The following UTRN variants were observed in gnomAD, a reference collection of about 807,000 sequenced individuals.
UTRN encodes utrophin.
A neutral mutation model predicts 463.9 loss-of-function variants in UTRN; 283 were observed. That is an observed-to-expected ratio of 0.61 (90% CI 0.55 to 0.67). The LOEUF is 0.67. UTRN is among the 30% of genes least tolerant of loss of function. The pLI is 0.00. For synonymous variants in UTRN, 1,442 were observed against 1,431.5 expected (o/e 1.01, Z -0.17); for missense variants, 3,922 against 4,084.3 (o/e 0.96, Z 1.08).
At chr6:144,314,916 A>G (rs541813531) in intron 2 of UTRN, among the ~76,000 whole-genome samples, 1 of 152,176 alleles carries the variant, frequency 6.6e-6, no homozygotes, top group South Asian at 2.1e-4. Flanking sequence ...CTCACAACAA[A>G]AATACCTATG....
chr6:144,313,343 G>A, intron 2 of UTRN, among the ~76,000 whole-genome samples: 1 of 149,940 alleles, frequency 6.7e-6, no homozygotes, highest in Non-Finnish European at 1.5e-5. Flanking sequence ...AGAAGAGCAG[G>A]TTTCTGATAC....
chr6:144,610,185 G>A (rs1805339058), intron 51 of UTRN, among the ~76,000 whole-genome samples: 4 of 133,876 alleles, frequency 3.0e-5, no homozygotes, highest in African/African-American at 2.8e-5. Flanking sequence ...CCATTAGCTA[G>A]ACTAACCAAG....
intron 50 of UTRN, among the ~76,000 whole-genome samples, chr6:144,567,011 G>A (rs185131032): frequency 1.1e-3 from 166 of 152,104 alleles, no homozygotes; most frequent in African/African-American, 3.9e-3. Flanking sequence ...GCTGGGTGTG[G>A]TGACACATGC....
intron 2 of UTRN, among the ~76,000 whole-genome samples, chr6:144,398,998 T>C (rs1782702716): frequency 1.3e-5 from 2 of 152,218 alleles, no homozygotes; most frequent in Non-Finnish European, 2.9e-5. Flanking sequence ...GTTAATTATC[T>C]AAACTTCTTG....
chr6:144,768,427 G>C (rs1471609202), intron 58 of UTRN, among the ~76,000 whole-genome samples: 6 of 152,100 alleles, frequency 3.9e-5, no homozygotes, highest in Non-Finnish European at 8.8e-5. Context: ...ATACAGTCTA[G>C]TATAAAGCAG....
intron 51 of UTRN, among the ~76,000 whole-genome samples, chr6:144,593,703 A>T (rs1019385639): frequency 6.6e-6 from 1 of 152,182 alleles, no homozygotes; most frequent in Non-Finnish European, 1.5e-5. Context: ...AAGTATGCTG[A>T]TTGTATTCAG....
At chr6:144,404,779 A>G (rs748020143) in intron 3 of UTRN, among the ~76,000 whole-genome samples, 37 of 152,308 alleles carry the variant, frequency 2.4e-4, no homozygotes, top group Middle Eastern at 3.4e-3. Flanking sequence ...TTGTAGAGGA[A>G]GAGAGATGAC....
intron 2 of UTRN, among the ~76,000 whole-genome samples, chr6:144,399,566 G>T (rs1782752842): frequency 6.6e-6 from 1 of 152,114 alleles, no homozygotes; most frequent in Admixed American, 6.6e-5. Context: ...ATAATAAGCT[G>T]CACTTTAGGG....
At chr6:144,789,134 A>G (rs1776544085) in intron 61 of UTRN, 60 bp from the exon 62 acceptor site, 3 of 1,320,376 alleles carry the variant, frequency 2.3e-6, no homozygotes, top group South Asian at 1.3e-5. Flanking sequence ...TTCAGAAACA[A>G]TGAACATGCT....
intron 2 of UTRN, among the ~76,000 whole-genome samples, chr6:144,343,520 A>AT (rs918087912): frequency 6.6e-6 from 1 of 152,054 alleles, no homozygotes; most frequent in Non-Finnish European, 1.5e-5. Context: ...AGATCATGCC[A>AT]TTGCACTCCA....
At chr6:144,604,120 C>T (rs1390363403) in intron 51 of UTRN, among the ~76,000 whole-genome samples, 1 of 152,184 alleles carries the variant, frequency 6.6e-6, no homozygotes, top group African/African-American at 2.4e-5. Flanking sequence ...GCCCTTTTCA[C>T]ATCTAGGCAG....
chr6:144,732,243 T>A (rs12662006), intron 54 of UTRN, among the ~76,000 whole-genome samples: 1 of 100,992 alleles, frequency 9.9e-6, no homozygotes, highest in Non-Finnish European at 1.8e-5. Flanking sequence ...TATATACATA[T>A]ATATATATAT....
At chr6:144,848,519 G>A (rs1312698920) in intron 74 of UTRN, among the ~76,000 whole-genome samples, 2 of 152,180 alleles carry the variant, frequency 1.3e-5, no homozygotes, top group African/African-American at 4.8e-5. Flanking sequence ...ATAAAGATGG[G>A]AGGATCAATG....
At chr6:144,424,182 G>A in intron 6 of UTRN, 104 bp downstream of exon 6, 1 of 1,211,362 alleles carries the variant, frequency 8.3e-7, no homozygotes, top group African/African-American at 1.5e-5. Flanking sequence ...TGCTTGGCTT[G>A]AACAACAGAA....
intron 54 of UTRN, among the ~76,000 whole-genome samples, chr6:144,737,507 A>G (rs1162244979): frequency 6.6e-6 from 1 of 152,240 alleles, no homozygotes; most frequent in East Asian, 1.9e-4. Context: ...ACAGAATATA[A>G]ATCAGTTAAG....
At chr6:144,488,541 T>G (rs924477065) in intron 29 of UTRN, 132 bp from the exon 30 acceptor site, 10 of 755,374 alleles carry the variant, frequency 1.3e-5, no homozygotes, top group Non-Finnish European at 1.8e-5. Context: ...TTAGTAATTA[T>G]TATTTATTTA....
chr6:144,730,498 T>C lies in UTRN; in HGVS notation c.7939+12T>C, dbSNP rs1788402934. On this transcript the variant is annotated intron_variant, in intron 54 of 74. Coordinates refer to ENST00000367545, the MANE Select transcript of UTRN (RefSeq NM_007124.3). Reference sequence around the variant, plus strand: ...ACAATCAAAAACAGGTGAGACTGGTTTCTCCACTACATCATAAAAACACAT... The same window carrying C: ...ACAATCAAAAACAGGTGAGACTGGTCTCTCCACTACATCATAAAAACACAT... 1 of 1,601,754 alleles carries C rather than the reference T, an allele frequency of 6.2e-7. No individual in the cohort carries two copies. The highest frequency in any genetic ancestry group is 2.3e-5 in the East Asian group (1 of 44,006).
intron 31 of UTRN, 40 bp from the exon 32 acceptor site, chr6:144,490,889 C>A: frequency 6.6e-7 from 1 of 1,523,636 alleles, no homozygotes; most frequent in South Asian, 1.3e-5. Context: ...GAGAGATAAT[C>A]ATCCTGATGG....
intron 51 of UTRN, among the ~76,000 whole-genome samples, chr6:144,631,046 A>C (rs1446438142): frequency 6.6e-6 from 1 of 152,178 alleles, no homozygotes; most frequent in Non-Finnish European, 1.5e-5. Context: ...TGGTTGAGGC[A>C]AAGCAGAGGG....
Sources: allele counts gnomAD v4.1 joint callset (sites outside exome capture counted in the v4.1 genomes callset), GRCh38; gene constraint gnomAD v4.1.1; transcripts MANE v1.5; gene names NCBI Gene and HGNC (gene_info 2026-07-23, HGNC 2026-07-21).